SLC52A3: variants seen among roughly 807,000 people sequenced by gnomAD.
The protein encoded by SLC52A3 is solute carrier family 52 member 3.
SLC52A3 carries 20 observed loss-of-function variants against 29.5 expected under a neutral mutation model. That is an observed-to-expected ratio of 0.68 (90% CI 0.48 to 0.99). The LOEUF (loss-of-function observed/expected upper bound fraction) is 0.99, where lower values mean the gene tolerates loss of function less well. SLC52A3 is among the 50% of genes least tolerant of loss of function. SLC52A3 has a pLI of 0.00. For synonymous variants in SLC52A3, 301 were observed against 271.0 expected, an observed-to-expected ratio of 1.11 and a Z score of -1.09; for missense variants, 548 against 612.9, an observed-to-expected ratio of 0.89 and a Z score of 1.12.
Position 765,730 on chromosome 20 carries a change from G to T in SLC52A3, c.45C>A (p.Gly15=). 6.2e-7 allele frequency: 1 copy of T among 1,613,414 alleles called. No individual in the cohort carries two copies. The highest frequency in any genetic ancestry group is 8.5e-7 in the Non-Finnish European group (1 of 1,179,858). Residue 15 remains glycine, a synonymous_variant, in exon 2 of 5, where the codon GGC becomes GGA. Transcript: ENST00000645534. This position sits in a 1 kb window ranked among gnomAD's most constrained non-coding sequence, Gnocchi z 6.6. ...AGAGCCCATTGATGGTCACCCAGGA[G>T]CCCATTCCGAAGACGCAGACCAGCA... ...MHLLVCVFGM[G]SWVTINGLWV...
chr20:775,627 T>A (rs1986994536), intron 1 of SLC52A3, among the ~76,000 whole-genome samples: 1 of 152,116 alleles, frequency 6.6e-6, no homozygotes, highest in African/African-American at 2.4e-5. Context: ...GGAATTCACC[T>A]GGATGGCTCA....
In SLC52A3 at chr20:775,150, C is replaced by A. The variant is rs1410376765; in HGVS notation, c.-238+805G>T. Among the ~76,000 whole-genome samples, 4 of 152,342 alleles carry A rather than the reference C, an allele frequency of 2.6e-5. No homozygotes were observed. In the East Asian group the frequency reaches 7.7e-4, roughly 29 times the overall value. On this transcript the variant is annotated intron_variant, in intron 1 of 5. Transcript: ENST00000217254. ...CAGCCTCCCCCAGGCCAGTTCCCCT[C>A]CCCTCCACGTCCATCCCAACTCCCA...
chr20:767,881 C>A (rs890662677), intron 1 of SLC52A3, among the ~76,000 whole-genome samples: 1 of 152,170 alleles, frequency 6.6e-6, no homozygotes, highest in Non-Finnish European at 1.5e-5. Flanking sequence ...CCCACCTGTG[C>A]TGTTACTAAC....
At chr20:775,484 G>A (rs1299481058) in intron 1 of SLC52A3, among the ~76,000 whole-genome samples, 1 of 151,992 alleles carries the variant, frequency 6.6e-6, no homozygotes, top group East Asian at 1.9e-4. Flanking sequence ...TCGCCACGTT[G>A]CCCAGGCTGG....
upstream of SLC52A3, among the ~76,000 whole-genome samples, chr20:772,742 GA>G: frequency 6.6e-6 from 1 of 152,224 alleles, no homozygotes; most frequent in Middle Eastern, 3.4e-3. Flanking sequence ...TCACGAAGCA[GA>G]ATAAAAAACA....
At chr20:761,599 A>C in intron 4 of SLC52A3, 102 bp downstream of exon 4, 1 of 1,550,700 alleles carries the variant, frequency 6.4e-7, no homozygotes. Context: ...GGAGGGTCCC[A>C]CAGACCCCGC....
At chr20:764,725 A>G (rs528425514) in intron 2 of SLC52A3, among the ~76,000 whole-genome samples, 6 of 152,394 alleles carry the variant, frequency 3.9e-5, no homozygotes, top group Non-Finnish European at 7.3e-5. Flanking sequence ...CCATTTTGTA[A>G]GATAAATTTA....
chr20:773,489 G>GT (rs1001379920), upstream of SLC52A3, among the ~76,000 whole-genome samples: 7 of 152,156 alleles, frequency 4.6e-5, no homozygotes, highest in Admixed American at 1.3e-4. Context: ...AAGGCCTCAG[G>GT]GTGAAGGGGT....
rs1986417786 is a variant in SLC52A3 at position 760,477 on chromosome 20, C to G, written c.*549G>C. ...AAGGAGAGAGGGCAGGGGCGTGTCTCAACCCTTCTGGCCACTTCTAGGTTG... is the reference window on the plus strand; with the variant it reads ...AAGGAGAGAGGGCAGGGGCGTGTCTGAACCCTTCTGGCCACTTCTAGGTTG... On this transcript the variant is annotated 3_prime_UTR_variant, in exon 5 of 5. Coordinates refer to ENST00000645534, the MANE Select transcript of SLC52A3 (RefSeq NM_033409.4). The surrounding 1 kb of genome is among the most constrained non-coding windows in gnomAD (Gnocchi z 4.9). The G allele has an allele frequency of 6.5e-6, 1 of 154,766 alleles. No homozygotes were observed. The highest frequency in any genetic ancestry group is 2.4e-5 in the African/African-American group (1 of 41,490). The allele number at this position is 154,766 out of a possible 1,614,324, so 9.6% of individuals were successfully genotyped here. A position where few individuals can be genotyped will look rare whatever the true frequency, so the allele number is the denominator to read the frequency against.
intron 2 of SLC52A3, among the ~76,000 whole-genome samples, chr20:764,806 G>A (rs1300535016): frequency 2.0e-5 from 3 of 152,114 alleles, no homozygotes; most frequent in African/African-American, 2.4e-5. Context: ...ACCACGAAGG[G>A]GTATCTGAAC....
At position 765,089 on chromosome 20, in the gene SLC52A3, T is replaced by C. The variant is rs768364134; in HGVS notation, c.567+119A>G. 2.2e-5 allele frequency: 25 copies of C among 1,120,294 alleles called. No homozygotes were observed. The highest frequency in any genetic ancestry group is 3.2e-5 in the Non-Finnish European group (24 of 754,120). The allele number at this position is 1,120,294 out of a possible 1,614,324, so 69.4% of individuals were successfully genotyped here. A position where few individuals can be genotyped will look rare whatever the true frequency, so the allele number is the denominator to read the frequency against. On this transcript the variant is annotated intron_variant, in intron 2 of 4. Transcript: ENST00000645534. This position sits in a 1 kb window ranked among gnomAD's most constrained non-coding sequence, Gnocchi z 6.6. ...AGTTTCCTGCTGTTGATCTGCCTTA[T>C]GTCAGTTTAACTCATAGGCCGACCA...
chr20:764,216 G>C (rs1195532670), intron 2 of SLC52A3, among the ~76,000 whole-genome samples: 1 of 152,166 alleles, frequency 6.6e-6, no homozygotes, highest in Non-Finnish European at 1.5e-5. Context: ...CCTCCTAACA[G>C]GGCTGCACAG....
chr20:774,647 G>T (rs1213808030), intron 1 of SLC52A3, among the ~76,000 whole-genome samples: 1 of 152,182 alleles, frequency 6.6e-6, no homozygotes, highest in African/African-American at 2.4e-5. Context: ...GTGCCAGGAG[G>T]CAGGAGGCAG....
Position 765,480 on chromosome 20 carries a change from C to T in SLC52A3, c.295G>A (p.Val99Met). ...FAFLWNMTSW[V>M]LDGHHSIAFL... ...GCGATGCTGTGGTGGCCGTCCAGCA[C>T]CCAGGAGGTCATATTCCAGAGGAAG... is the stretch of plus-strand genomic sequence containing the variant. The change falls in exon 2 of 5, where the codon GTG becomes ATG. Residue 99 changes from valine to methionine, a missense_variant. Transcript: ENST00000645534. This position sits in a 1 kb window ranked among gnomAD's most constrained non-coding sequence, Gnocchi z 6.6. 1 of 1,597,980 alleles carries T rather than the reference C, an allele frequency of 6.3e-7. No individual in the cohort carries two copies. The highest frequency in any genetic ancestry group is 2.3e-5 in the East Asian group (1 of 44,146).
upstream of SLC52A3, among the ~76,000 whole-genome samples, chr20:772,967 GAC>G (rs1986892956): frequency 2.0e-5 from 3 of 152,346 alleles, no homozygotes; most frequent in African/African-American, 7.2e-5. Flanking sequence ...CTGTTCAAAG[GAC>G]AGCTAGGAGG....
chr20:760,611 T>G lies in SLC52A3; in HGVS notation c.*415A>C. 5.1e-6 allele frequency: 1 copy of G among 197,730 alleles called. No individual in the cohort carries two copies. The highest frequency in any genetic ancestry group is 1.0e-5 in the Non-Finnish European group (1 of 96,108). The allele number at this position is 197,730 out of a possible 1,614,324, so 12.2% of individuals were successfully genotyped here. On this transcript the variant is annotated 3_prime_UTR_variant, in exon 5 of 5. Coordinates refer to ENST00000645534, the MANE Select transcript of SLC52A3 (RefSeq NM_033409.4). This position sits in a 1 kb window ranked among gnomAD's most constrained non-coding sequence, Gnocchi z 4.9. ...TCCTTTTGCCTCCGTGCCATGCCTG[T>G]GAGGTAGTTGGTACTTACTGGAATC... is the stretch of plus-strand genomic sequence containing the variant.
chr20:761,914 T>G, intron 3 of SLC52A3, 90 bp from the exon 4 acceptor site: 4 of 1,583,122 alleles, frequency 2.5e-6, no homozygotes, highest in Non-Finnish European at 3.5e-6. Context: ...GGCCAGTGTC[T>G]CCATAGTTAG....
intron 1 of SLC52A3, among the ~76,000 whole-genome samples, chr20:775,280 T>TC (rs1447934926): frequency 1.3e-5 from 1 of 74,684 alleles, no homozygotes; most frequent in African/African-American, 6.5e-5. Context: ...TTTTTTTTTT[T>TC]TTTTTTTTTT....
At chr20:772,561 T>C (rs544388364), upstream of SLC52A3, among the ~76,000 whole-genome samples, 30 of 151,186 alleles carry the variant, frequency 2.0e-4, no homozygotes, top group African/African-American at 6.8e-4. Context: ...TGGGATACTT[T>C]TAAAAGATGC....
Sources: gnomAD v4.1 joint callset for allele counts (sites outside exome capture counted in the v4.1 genomes callset) on GRCh38, gnomAD v4.1.1 for gene constraint, Gnocchi (gnomAD v3.1) non-coding constraint, MANE v1.5 for transcripts, NCBI Gene and HGNC (gene_info 2026-07-23, HGNC 2026-07-21) for gene names.